Variants in VPS41 observed in about 807,000 individuals in gnomAD.
VPS41 encodes VPS41 subunit of HOPS complex.
VPS41 carries 85 observed loss-of-function variants against 130.9 expected under a neutral mutation model. The ratio of observed to expected loss-of-function variants is 0.65; its 90% confidence interval spans 0.55 to 0.78. VPS41 has a LOEUF of 0.78. Ranked by LOEUF, VPS41 falls within the 30% of genes least tolerant of loss-of-function variation. VPS41 has a pLI of 0.00. For missense variants in VPS41, 874 were observed against 1,018.7 expected (o/e 0.86, Z 1.93); for synonymous variants, 335 against 332.9 (o/e 1.01, Z -0.07).
chr7:38,812,569 G>A (rs1784965617), intron 7 of VPS41, among the ~76,000 whole-genome samples: 1 of 152,022 alleles, frequency 6.6e-6, no homozygotes. Context: ...ACAAACTTCT[G>A]TGCCTCAAAG....
At chr7:38,800,282 T>C (rs1287829729) in intron 7 of VPS41, among the ~76,000 whole-genome samples, 1 of 152,172 alleles carries the variant, frequency 6.6e-6, no homozygotes, top group Non-Finnish European at 1.5e-5. Flanking sequence ...CAAAATAGTA[T>C]TCAATACAAT....
rs369914050 is a variant in VPS41 at position 38,908,886 on chromosome 7, C to T, written c.21+268G>A. ...GGGCCTGCCTTCATGCCAAAATTTC[C>T]CTGGGCAAAGGCCACAGGGATGGGG... is the stretch of plus-strand genomic sequence containing the variant. On this transcript the variant is annotated intron_variant, in intron 1 of 28. Transcript: ENST00000310301. Among the ~76,000 whole-genome samples the T allele has an allele frequency of 7.2e-4, 110 of 152,306 alleles. 3 individuals are homozygous for T. In the South Asian group the frequency reaches 0.022, roughly 30 times the overall value.
At chr7:38,861,410 G>A (rs899690753) in intron 4 of VPS41, among the ~76,000 whole-genome samples, 1 of 152,084 alleles carries the variant, frequency 6.6e-6, no homozygotes, top group African/African-American at 2.4e-5. Flanking sequence ...CAAATGTTTT[G>A]GTCATCAAGA....
intron 1 of VPS41, among the ~76,000 whole-genome samples, chr7:38,907,905 GAT>G (rs913917665): frequency 1.3e-5 from 2 of 152,172 alleles, no homozygotes; most frequent in Admixed American, 1.3e-4. Flanking sequence ...GTCATGAAAT[GAT>G]ATGTTCTTAA....
At chr7:38,778,727 C>CGTCTG (rs1784304464) in intron 10 of VPS41, among the ~76,000 whole-genome samples, 1 of 152,188 alleles carries the variant, frequency 6.6e-6, no homozygotes, top group Non-Finnish European at 1.5e-5. Context: ...CTGCCACAGA[C>CGTCTG]ACCTAAGGGA....
At chr7:38,782,116 T>G (rs1021331238) in intron 10 of VPS41, among the ~76,000 whole-genome samples, 1 of 152,172 alleles carries the variant, frequency 6.6e-6, no homozygotes, top group Non-Finnish European at 1.5e-5. Context: ...TTCTTTTGTT[T>G]CTATTGTCCC....
chr7:38,892,189 T>C (rs1461568258), intron 2 of VPS41, among the ~76,000 whole-genome samples: 3 of 151,994 alleles, frequency 2.0e-5, no homozygotes, highest in Middle Eastern at 6.8e-3. Flanking sequence ...TCAAATTCTA[T>C]AAAGGTACAT....
intron 4 of VPS41, among the ~76,000 whole-genome samples, chr7:38,847,369 C>T (rs1265274333): frequency 6.6e-6 from 1 of 152,156 alleles, no homozygotes; most frequent in Non-Finnish European, 1.5e-5. Flanking sequence ...TCTATCACTA[C>T]AGTTCCAGAA....
chr7:38,833,489 T>G (rs1785433822), intron 4 of VPS41, among the ~76,000 whole-genome samples: 1 of 152,196 alleles, frequency 6.6e-6, no homozygotes, highest in African/African-American at 2.4e-5. Context: ...CCTGATGACC[T>G]TTTGCTGCTT....
chr7:38,745,376 T>C (rs757853802), intron 23 of VPS41, among the ~76,000 whole-genome samples, 183 bp downstream of exon 23: 4 of 152,244 alleles, frequency 2.6e-5, no homozygotes, highest in Non-Finnish European at 4.4e-5. Flanking sequence ...TCAACATTTA[T>C]GAAACAACTC....
At chr7:38,868,506 G>A (rs1786276487) in intron 3 of VPS41, among the ~76,000 whole-genome samples, 2 of 152,154 alleles carry the variant, frequency 1.3e-5, no homozygotes, top group South Asian at 4.1e-4. Flanking sequence ...AAGGTCACAG[G>A]GAAGAAGAGA....
At chr7:38,771,364 T>C (rs1263751441) in intron 13 of VPS41, 110 bp from the exon 14 acceptor site, 2 of 748,540 alleles carry the variant, frequency 2.7e-6, no homozygotes, top group East Asian at 5.2e-5. Context: ...ACACTATAGT[T>C]ATTATGGTTT....
chr7:38,797,129 T>C, intron 7 of VPS41: 1 of 298,758 alleles, frequency 3.3e-6, no homozygotes, highest in Non-Finnish European at 6.3e-6. Flanking sequence ...ACACCAAGAT[T>C]CATGGAAAAT....
intron 2 of VPS41, among the ~76,000 whole-genome samples, chr7:38,894,893 T>G (rs921733044): frequency 6.6e-6 from 1 of 152,228 alleles, no homozygotes; most frequent in Non-Finnish European, 1.5e-5. Context: ...AAGCCACATT[T>G]GGGTCTCACT....
intron 21 of VPS41, among the ~76,000 whole-genome samples, chr7:38,752,720 G>C (rs967567882): frequency 6.6e-6 from 1 of 152,148 alleles, no homozygotes; most frequent in Non-Finnish European, 1.5e-5. Flanking sequence ...TATCATCATT[G>C]GTATCTGCTT....
intron 2 of VPS41, among the ~76,000 whole-genome samples, chr7:38,889,641 G>C (rs1786817818): frequency 6.6e-6 from 1 of 150,794 alleles, no homozygotes; most frequent in Admixed American, 6.6e-5. Flanking sequence ...AAATAACTAA[G>C]AATTTCTCAC....
chr7:38,726,098 A>C lies in VPS41; in HGVS notation c.*148T>G. On this transcript the variant is annotated 3_prime_UTR_variant, in exon 29 of 29. Coordinates refer to ENST00000310301, the MANE Select transcript of VPS41 (RefSeq NM_014396.4). Reference sequence around the variant, plus strand: ...CTGTGAACTGCAAAGAGAAACCATTAGTACAGGAATAGATGAAGAAATTGT... The same window carrying C: ...CTGTGAACTGCAAAGAGAAACCATTCGTACAGGAATAGATGAAGAAATTGT... 1 of 608,176 alleles carries C rather than the reference A, an allele frequency of 1.6e-6. No individual in the cohort carries two copies. The highest frequency in any genetic ancestry group is 2.9e-6 in the Non-Finnish European group (1 of 342,954). The allele number at this position is 608,176 out of a possible 1,614,324, so 37.7% of individuals were successfully genotyped here. A position where few individuals can be genotyped will look rare whatever the true frequency, so the allele number is the denominator to read the frequency against.
intron 4 of VPS41, among the ~76,000 whole-genome samples, chr7:38,837,118 AGTCCAGCCCTT>A (rs1178466285): frequency 6.6e-6 from 1 of 152,232 alleles, no homozygotes; most frequent in Non-Finnish European, 1.5e-5. Flanking sequence ...TCCAGTGAGA[AGTCCAGCCCTT>A]GCCCTTGGCT....
intron 2 of VPS41, among the ~76,000 whole-genome samples, chr7:38,887,261 G>A (rs1413333956): frequency 3.3e-5 from 5 of 152,132 alleles, no homozygotes; most frequent in African/African-American, 4.8e-5. Context: ...AACCCATCAC[G>A]AGGAAGCTAA....
Sources: gnomAD v4.1 joint callset for allele counts (sites outside exome capture counted in the v4.1 genomes callset) on GRCh38, gnomAD v4.1.1 for gene constraint, MANE v1.5 for transcripts, NCBI Gene and HGNC (gene_info 2026-07-23, HGNC 2026-07-21) for gene names.